Variants in PFN4 observed in about 807,000 individuals in gnomAD.
The protein encoded by PFN4 is profilin-4.
PFN4 carries 10 observed loss-of-function variants against 16.3 expected under a neutral mutation model. The observed-to-expected ratio is 0.61, with a 90% CI of 0.38 to 1.04. PFN4 has a LOEUF of 1.04. PFN4 is among the 50% of genes least tolerant of loss of function. The probability of loss-of-function intolerance (pLI) is 0.01; values close to 1 mark genes in which losing one functional copy is unlikely to be tolerated. For missense variants in PFN4, 136 were observed against 153.6 expected (o/e 0.89, Z 0.61); for synonymous variants, 54 against 56.9 (o/e 0.95, Z 0.23).
chr2:24,120,034 C>T (rs564431479), intron 3 of PFN4, among the ~76,000 whole-genome samples: 1 of 152,062 alleles, frequency 6.6e-6, no homozygotes, highest in Non-Finnish European at 1.5e-5. Flanking sequence ...TTTGGGAGGC[C>T]AAGGCAGAAA....
At chr2:24,121,857 T>A (rs1224604357) in intron 2 of PFN4, among the ~76,000 whole-genome samples, 1 of 152,104 alleles carries the variant, frequency 6.6e-6, no homozygotes, top group Non-Finnish European at 1.5e-5. Context: ...CTGCCATGAG[T>A]GGAAGCAGCC....
rs117835654 is a variant in PFN4, at chr2:24,121,099, G to A, written c.255+64C>T. 1,414 of 1,588,748 alleles carry A rather than the reference G, an allele frequency of 8.9e-4. 22 individuals carry two copies. In the East Asian group the frequency reaches 0.026, roughly 29 times the overall value. Reference sequence around the variant, plus strand: ...TGTTTTACAGAAAGGATCAGGCAGAGCAAGGAAATTTGGAGGCAAATTCTT... The same window carrying A: ...TGTTTTACAGAAAGGATCAGGCAGAACAAGGAAATTTGGAGGCAAATTCTT... On this transcript the variant is annotated intron_variant, in intron 3 of 4. Transcript: ENST00000313213.
chr2:24,120,244 G>A (rs1666062518), intron 3 of PFN4, among the ~76,000 whole-genome samples: 1 of 151,472 alleles, frequency 6.6e-6, no homozygotes, highest in African/African-American at 2.4e-5. Context: ...ACTCCAGCCT[G>A]GGCGACAAAA....
Position 24,115,100 on chromosome 2 carries a change from G to GT in PFN4, c.*482dup, listed in dbSNP as rs1665872951. On this transcript the variant is annotated 3_prime_UTR_variant, in exon 5 of 5. Transcript: ENST00000313213. ...ACAGATGTCACACATGCAGGGAGTT[G>GT]TATTACAGGAGGGGTAACACTGAGC... is the stretch of plus-strand genomic sequence containing the variant. 6.6e-6 allele frequency among the ~76,000 whole-genome samples: 1 copy of GT among 152,226 alleles called. No individual in the cohort carries two copies. Among genetic ancestry groups the GT allele is most frequent in the Admixed American group, 6.5e-5 (1 of 15,290 alleles).
Position 24,115,356 on chromosome 2 carries a change from T to A in PFN4, c.*227A>T. On this transcript the variant is annotated 3_prime_UTR_variant, in exon 5 of 5. Transcript: ENST00000313213. ...TAGATATGCTCTGTGAAATGATCAG[T>A]GCTCTCTCATTCCATGCCGATGACC... 1 of 539,046 alleles carries A rather than the reference T, an allele frequency of 1.9e-6. No homozygotes were observed. The allele number at this position is 539,046 out of a possible 1,614,324, so 33.4% of individuals were successfully genotyped here. A position where few individuals can be genotyped will look rare whatever the true frequency, so the allele number is the denominator to read the frequency against.
At chr2:24,120,625 G>A (rs1357151820) in intron 3 of PFN4, among the ~76,000 whole-genome samples, 2 of 151,772 alleles carry the variant, frequency 1.3e-5, no homozygotes, top group African/African-American at 4.8e-5. Flanking sequence ...GCACGATCTC[G>A]GCTCACTGCA....
intron 4 of PFN4, among the ~76,000 whole-genome samples, chr2:24,116,369 C>T (rs1479756808): frequency 4.6e-5 from 7 of 152,026 alleles, no homozygotes; most frequent in African/African-American, 1.4e-4. Flanking sequence ...GATGTACTCA[C>T]GTTTTAAAGA....
rs1181835903 is a variant in PFN4 at position 24,115,571 on chromosome 2, G to C, written c.*12C>G. On this transcript the variant is annotated 3_prime_UTR_variant, in exon 5 of 5. Coordinates refer to ENST00000313213, the MANE Select transcript of PFN4 (RefSeq NM_199346.3). ...AAAATAATAAAATTGTCTTTCATGG[G>C]CCTCTGATGACTTAACTTCCTTTTT... 1 of 1,607,982 alleles carries C rather than the reference G, an allele frequency of 6.2e-7. No homozygotes were observed. Among genetic ancestry groups the C allele is most frequent in the South Asian group, 1.1e-5 (1 of 90,636 alleles).
chr2:24,120,579 G>A (rs1666079316), intron 3 of PFN4, among the ~76,000 whole-genome samples: 1 of 151,836 alleles, frequency 6.6e-6, no homozygotes, highest in African/African-American at 2.4e-5. Flanking sequence ...TTTTGAGATG[G>A]AATTTCGCTC....
intron 2 of PFN4, 45 bp downstream of exon 2, chr2:24,122,374 A>G: frequency 7.3e-7 from 1 of 1,371,274 alleles, no homozygotes; most frequent in Non-Finnish European, 1.0e-6. Flanking sequence ...AAGAATAGAA[A>G]TAATAAGTAA....
rs767655779 is a variant in PFN4 at position 24,119,691 on chromosome 2, A to G, written c.256-9T>C. The stretch of plus-strand genomic sequence containing the variant: ...ACCACACCAGTGTTCTCCTGTATAA[A>G]GAATATAAGAGAATATTCTGCTCTT... On this transcript the variant is annotated splice_polypyrimidine_tract_variant and intron_variant, in intron 3 of 4. Transcript: ENST00000313213. 6.9e-6 allele frequency: 11 copies of G among 1,586,140 alleles called. No homozygotes were observed. Among genetic ancestry groups the G allele is most frequent in the Non-Finnish European group, 8.6e-7 (1 of 1,157,792 alleles).
At chr2:24,116,806 C>A (rs1437746187) in intron 4 of PFN4, among the ~76,000 whole-genome samples, 4 of 151,530 alleles carry the variant, frequency 2.6e-5, no homozygotes, top group Non-Finnish European at 5.9e-5. Context: ...ATCTCTTGAA[C>A]CTGGAAGTTG....
At chr2:24,116,956 A>G (rs1427081193) in intron 4 of PFN4, among the ~76,000 whole-genome samples, 2 of 151,686 alleles carry the variant, frequency 1.3e-5, no homozygotes, top group Admixed American at 6.6e-5. Context: ...AGATGCTAAC[A>G]TTTTACCAAT....
rs1031048560 is a variant in PFN4, at chr2:24,115,565, T to C, written c.*18A>G. ...TCTTCTAAAATAATAAAATTGTCTT[T>C]CATGGGCCTCTGATGACTTAACTTC... On this transcript the variant is annotated 3_prime_UTR_variant, in exon 5 of 5. Coordinates refer to ENST00000313213, the MANE Select transcript of PFN4 (RefSeq NM_199346.3). 6.2e-7 allele frequency: 1 copy of C among 1,606,750 alleles called. No individual in the cohort carries two copies. Among genetic ancestry groups the C allele is most frequent in the Non-Finnish European group, 8.5e-7 (1 of 1,175,632 alleles).
intron 4 of PFN4, among the ~76,000 whole-genome samples, chr2:24,116,605 A>G (rs1665926219): frequency 6.6e-6 from 1 of 152,174 alleles, no homozygotes; most frequent in Admixed American, 6.5e-5. Flanking sequence ...CTATAATCCC[A>G]GCACTTTGGG....
At chr2:24,122,992 G>T in intron 1 of PFN4, 126 bp downstream of exon 1, 1 of 152,832 alleles carries the variant, frequency 6.5e-6, no homozygotes. Flanking sequence ...TTCCCTTCCC[G>T]GTGACCTGCA....
intron 2 of PFN4, 73 bp downstream of exon 2, chr2:24,122,346 G>T: frequency 8.2e-6 from 9 of 1,091,646 alleles, no homozygotes; most frequent in East Asian, 2.4e-5. Context: ...AAAAAGTCAT[G>T]TCTGCTTCAT....
Position 24,115,491 on chromosome 2 carries a change from C to T in PFN4, c.*92G>A. 8.9e-7 allele frequency: 1 copy of T among 1,127,114 alleles called. No individual in the cohort carries two copies. The highest frequency in any genetic ancestry group is 1.4e-5 in the South Asian group (1 of 73,792). The allele number at this position is 1,127,114 out of a possible 1,614,324, so 69.8% of individuals were successfully genotyped here. ...ATTCTTCTTTTTTAGTGCCTTCTGT[C>T]TAGTGTTTTTTCAACCATAAAATAT... On this transcript the variant is annotated 3_prime_UTR_variant, in exon 5 of 5. Transcript: ENST00000313213.
chr2:24,116,982 C>G (rs1424362025), intron 4 of PFN4, among the ~76,000 whole-genome samples: 1 of 149,994 alleles, frequency 6.7e-6, no homozygotes, highest in East Asian at 1.9e-4. Flanking sequence ...AAATGTGACT[C>G]TCTAATATAT....
Sources: allele counts gnomAD v4.1 joint callset (sites outside exome capture counted in the v4.1 genomes callset), GRCh38; gene constraint gnomAD v4.1.1; transcripts MANE v1.5; gene names NCBI Gene and HGNC (gene_info 2026-07-23, HGNC 2026-07-21).